PHAF1: variants seen among roughly 807,000 people sequenced by gnomAD.
PHAF1 encodes the protein phagosome assembly factor 1.
PHAF1 carries 23 observed loss-of-function variants against 63.1 expected under a neutral mutation model. That is an observed-to-expected ratio of 0.36 (90% confidence interval 0.26 to 0.52). PHAF1 has a LOEUF of 0.52. PHAF1 is among the 20% of genes least tolerant of loss of function. The probability of loss-of-function intolerance (pLI) is 0.93; values close to 1 mark genes in which losing one functional copy is unlikely to be tolerated. For synonymous variants in PHAF1, 167 were observed against 185.0 expected (o/e 0.90, Z 0.79); for missense variants, 427 against 517.2 (o/e 0.83, Z 1.69).
In PHAF1 at chr16:67,114,370, G is replaced by T. The variant is rs563355513; in HGVS notation, c.64+4131G>T. On this transcript the variant is annotated intron_variant, in intron 1 of 15. Coordinates refer to ENST00000219139, the MANE Select transcript of PHAF1 (RefSeq NM_025187.5). ...AATAAAAATTTAAAAAAAAAGAAATGATCTTATTCCCTGAAGAGCTTAGTC... is the reference window on the plus strand; with the variant it reads ...AATAAAAATTTAAAAAAAAAGAAATTATCTTATTCCCTGAAGAGCTTAGTC... 2.0e-5 allele frequency among the ~76,000 whole-genome samples: 3 copies of T among 151,732 alleles called. No individual in the cohort carries two copies. In the South Asian group the frequency reaches 6.3e-4, roughly 32 times the overall value.
chr16:67,126,588 G>GT (rs1245680164), intron 3 of PHAF1, among the ~76,000 whole-genome samples: 1 of 139,450 alleles, frequency 7.2e-6, no homozygotes, highest in African/African-American at 2.7e-5. Flanking sequence ...CTTTGTTTTT[G>GT]TTTTTGGTTT....
chr16:67,134,619 T>A (rs566219209), intron 8 of PHAF1, 152 bp downstream of exon 8: 5 of 749,960 alleles, frequency 6.7e-6, no homozygotes, highest in Admixed American at 2.0e-5. Context: ...AAAAATTTAT[T>A]TCTTGCAGTT....
At chr16:67,113,166 T>G (rs950501103) in intron 1 of PHAF1, among the ~76,000 whole-genome samples, 1 of 152,208 alleles carries the variant, frequency 6.6e-6, no homozygotes, top group Non-Finnish European at 1.5e-5. Flanking sequence ...GCTCTTTCCT[T>G]CTGAAAGTGG....
At chr16:67,143,965 G>A (rs1009453061) in intron 10 of PHAF1, among the ~76,000 whole-genome samples, 1 of 152,076 alleles carries the variant, frequency 6.6e-6, no homozygotes, top group Non-Finnish European at 1.5e-5. Context: ...AGCCAGGCGT[G>A]GTGGTGGGCG....
rs1325646000 is a variant in PHAF1 at position 67,147,263 on chromosome 16, T to G, written c.*132T>G. ...GAAGGGCTGTTGTGATGTTCTGAGG[T>G]TGGGCTCAGGCTGGGTGCTCTGCCA... On this transcript the variant is annotated 3_prime_UTR_variant, in exon 16 of 16. Coordinates refer to ENST00000219139, the MANE Select transcript of PHAF1 (RefSeq NM_025187.5). 2.3e-6 allele frequency: 2 copies of G among 869,466 alleles called. No individual in the cohort carries two copies. Among genetic ancestry groups the G allele is most frequent in the African/African-American group, 3.4e-5 (2 of 59,432 alleles). The allele number at this position is 869,466 out of a possible 1,614,324, so 53.9% of individuals were successfully genotyped here.
intron 15 of PHAF1, 48 bp downstream of exon 15, chr16:67,146,398 C>T (rs1436342447): frequency 6.4e-7 from 1 of 1,555,760 alleles, no homozygotes; most frequent in South Asian, 1.1e-5. Flanking sequence ...GGTTGCTGGT[C>T]ATGGCAGGGC....
chr16:67,135,874 C>T (rs747430240), intron 8 of PHAF1: 2 of 152,240 alleles, frequency 1.3e-5, no homozygotes, highest in Non-Finnish European at 2.9e-5. Flanking sequence ...GCTACAGGCA[C>T]GCACCACCAT....
At chr16:67,136,554 CTTTTTTTTTTT>C (rs34174571) in intron 8 of PHAF1, among the ~76,000 whole-genome samples, 13 of 60,464 alleles carry the variant, frequency 2.2e-4, no homozygotes, top group African/African-American at 3.9e-4. Flanking sequence ...GCATTGATTC[CTTTTTTTTTTT>C]TTTTTTTTTT....
chr16:67,147,190 G>T lies in PHAF1; in HGVS notation c.*59G>T. The T allele has an allele frequency of 6.7e-7, 1 of 1,487,522 alleles. No homozygotes were observed. The highest frequency in any genetic ancestry group is 9.4e-7 in the Non-Finnish European group (1 of 1,066,556). The allele number at this position is 1,487,522 out of a possible 1,614,324, so 92.1% of individuals were successfully genotyped here. A position where few individuals can be genotyped will look rare whatever the true frequency, so the allele number is the denominator to read the frequency against. ...AACTGTGCATCACATCCTGCTCAGT[G>T]GGCCTCTGTACCACCCTGTGGGTTT... On this transcript the variant is annotated 3_prime_UTR_variant, in exon 16 of 16. Coordinates refer to ENST00000219139, the MANE Select transcript of PHAF1 (RefSeq NM_025187.5).
intron 3 of PHAF1, among the ~76,000 whole-genome samples, chr16:67,126,868 G>C (rs532716719): frequency 1.4e-5 from 2 of 142,124 alleles, no homozygotes; most frequent in African/African-American, 5.3e-5. Context: ...GATTACAGGC[G>C]TGAGCCACCA....
chr16:67,142,518 C>T lies in PHAF1; in HGVS notation c.880-1776C>T, dbSNP rs773852490. ...GGTGCCCATGCTGTTCATGCCGAGG[C>T]GGCAGGGGGCTAGTGTGTCAGTGCT... On this transcript the variant is annotated intron_variant, in intron 10 of 15. Coordinates refer to ENST00000219139, the MANE Select transcript of PHAF1 (RefSeq NM_025187.5). Among the ~76,000 whole-genome samples, 97 of 152,354 alleles carry T rather than the reference C, an allele frequency of 6.4e-4. 1 individual carries two copies. Among genetic ancestry groups the T allele is most frequent in the African/African-American group, 2.0e-3 (84 of 41,578 alleles).
At chr16:67,123,291 A>G (rs970706913) in intron 2 of PHAF1, among the ~76,000 whole-genome samples, 9 of 151,670 alleles carry the variant, frequency 5.9e-5, no homozygotes, top group Admixed American at 2.6e-4. Flanking sequence ...AAAAAAAAAA[A>G]TTTGGCCAGG....
rs1213299397 is a variant in PHAF1 at position 67,126,175 on chromosome 16, A to C, written c.231+133A>C. On this transcript the variant is annotated intron_variant, in intron 3 of 15. Transcript: ENST00000219139. ...ACTTCTTTGGTTCAGAGATCACTAC[A>C]ATGTAGGGAACTGAAGCTGTGCCTG... 3 of 670,064 alleles carry C rather than the reference A, an allele frequency of 4.5e-6. No homozygotes were observed. In the East Asian group the frequency reaches 8.2e-5, roughly 18 times the overall value. The allele number at this position is 670,064 out of a possible 1,614,324, so 41.5% of individuals were successfully genotyped here. A position where few individuals can be genotyped will look rare whatever the true frequency, so the allele number is the denominator to read the frequency against.
intron 10 of PHAF1, among the ~76,000 whole-genome samples, chr16:67,144,055 C>G (rs1229154082): frequency 6.6e-6 from 1 of 152,156 alleles, no homozygotes. Context: ...TGAGCTGACA[C>G]AGTGCCACTG....
Position 67,147,039 on chromosome 16 carries a change from C to A in PHAF1, c.1183-6C>A. 1 of 1,612,756 alleles carries A rather than the reference C, an allele frequency of 6.2e-7. No homozygotes were observed. Among genetic ancestry groups the A allele is most frequent in the Non-Finnish European group, 8.5e-7 (1 of 1,178,780 alleles). ...CCCTTGACCCACTGTCCTCTTCTCA[C>A]ACCAGGTCATGCAGAACAACCACAT... On this transcript the variant is annotated splice_polypyrimidine_tract_variant and splice_region_variant and intron_variant, in intron 15 of 15. Transcript: ENST00000219139.
rs2030247404 is a variant in PHAF1 at position 67,148,008 on chromosome 16, C to T, written c.*877C>T. ...CTCTGGGGGCTCAAGGAAGGCTGGG[C>T]TGCTCAGTCCCTTCATGGGTCTTGC... On this transcript the variant is annotated 3_prime_UTR_variant, in exon 16 of 16. Transcript: ENST00000219139. 1 of 152,686 alleles carries T rather than the reference C, an allele frequency of 6.5e-6. No individual in the cohort carries two copies. The highest frequency in any genetic ancestry group is 2.4e-5 in the African/African-American group (1 of 41,474). The allele number at this position is 152,686 out of a possible 1,614,324, so 9.5% of individuals were successfully genotyped here.
At chr16:67,131,388 A>G (rs1408419932) in intron 4 of PHAF1, 59 bp downstream of exon 4, 2 of 1,229,846 alleles carry the variant, frequency 1.6e-6, no homozygotes, top group African/African-American at 1.5e-5. Flanking sequence ...CATATCTACT[A>G]TCTTCATAAG....
intron 11 of PHAF1, among the ~76,000 whole-genome samples, 192 bp from the exon 12 acceptor site, chr16:67,144,642 C>T (rs539802087): frequency 6.6e-6 from 1 of 152,288 alleles, no homozygotes; most frequent in Admixed American, 6.5e-5. Context: ...CTCCAGAACC[C>T]AGGGCCAAGA....
chr16:67,138,223 G>A (rs971864252), intron 8 of PHAF1, among the ~76,000 whole-genome samples: 2 of 152,114 alleles, frequency 1.3e-5, no homozygotes, highest in African/African-American at 2.4e-5. Context: ...GATACTTTGG[G>A]CCCAGAGTCC....
Sources: gnomAD v4.1 joint callset for allele counts (sites outside exome capture counted in the v4.1 genomes callset) on GRCh38, gnomAD v4.1.1 for gene constraint, MANE v1.5 for transcripts, NCBI Gene and HGNC (gene_info 2026-07-23, HGNC 2026-07-21) for gene names.